RALA: variants seen among roughly 807,000 people sequenced by gnomAD.
RALA encodes ras-related protein Ral-A.
RALA carries 5 observed loss-of-function variants against 24.0 expected under a neutral mutation model. The ratio of observed to expected loss-of-function variants is 0.21; its 90% confidence interval spans 0.11 to 0.44. RALA has a LOEUF of 0.44. Among genes scored for constraint, RALA ranks in the 20% least tolerant of loss-of-function variants. The pLI, the probability that RALA is intolerant of heterozygous loss-of-function variation, is 0.99. For missense variants in RALA, 95 were observed against 241.2 expected (o/e 0.39, Z 4.01); for synonymous variants, 77 against 83.8 (o/e 0.92, Z 0.44).
At chr7:39,647,670 G>A (rs960294516) in intron 1 of RALA, among the ~76,000 whole-genome samples, 1 of 152,078 alleles carries the variant, frequency 6.6e-6, no homozygotes, top group East Asian at 1.9e-4. Flanking sequence ...TAGGTCATGA[G>A]GGAAGAGACC....
chr7:39,689,759 T>C (rs1007277937), intron 2 of RALA, among the ~76,000 whole-genome samples: 5 of 152,192 alleles, frequency 3.3e-5, no homozygotes, highest in African/African-American at 1.2e-4. Context: ...TGCGTACATA[T>C]ACACATACTT....
intron 1 of RALA, among the ~76,000 whole-genome samples, chr7:39,669,489 A>G (rs1792343426): frequency 6.6e-6 from 1 of 152,182 alleles, no homozygotes; most frequent in Non-Finnish European, 1.5e-5. Context: ...TGTAAACCAG[A>G]GGCTATGCTT....
At chr7:39,662,493 C>T (rs988872245) in intron 1 of RALA, among the ~76,000 whole-genome samples, 1 of 152,188 alleles carries the variant, frequency 6.6e-6, no homozygotes, top group Non-Finnish European at 1.5e-5. Flanking sequence ...ATTTCTTCCA[C>T]CAGATGCCCT....
At chr7:39,699,121 ATTTT>A (rs71560137) in intron 4 of RALA, among the ~76,000 whole-genome samples, 847 of 61,320 alleles carry the variant, frequency 0.014, 19 homozygotes, top group African/African-American at 0.042. Flanking sequence ...TAAAAATGTT[ATTTT>A]TTTTTTTTTT....
intron 1 of RALA, among the ~76,000 whole-genome samples, chr7:39,625,824 G>C (rs897383181): frequency 6.6e-6 from 1 of 152,222 alleles, no homozygotes; most frequent in African/African-American, 2.4e-5. Context: ...AGAAGAAAGT[G>C]CTGACGTTTT....
At chr7:39,665,370 T>C (rs1351094576) in intron 1 of RALA, among the ~76,000 whole-genome samples, 2 of 152,224 alleles carry the variant, frequency 1.3e-5, no homozygotes, top group East Asian at 3.9e-4. Flanking sequence ...ATACAGTATA[T>C]AATACATATA....
At chr7:39,694,740 G>A (rs1792887222) in intron 3 of RALA, among the ~76,000 whole-genome samples, 1 of 151,882 alleles carries the variant, frequency 6.6e-6, no homozygotes, top group Admixed American at 6.6e-5. Context: ...AGTTTTTCAA[G>A]CATCACTATA....
intron 4 of RALA, among the ~76,000 whole-genome samples, chr7:39,699,118 G>GTTTTTTTTT (rs1209729467): frequency 2.4e-5 from 2 of 84,140 alleles, no homozygotes; most frequent in African/African-American, 4.7e-5. Flanking sequence ...TGCTAAAAAT[G>GTTTTTTTTT]TTATTTTTTT....
chr7:39,635,005 A>G (rs1791662276), intron 1 of RALA, among the ~76,000 whole-genome samples: 1 of 152,096 alleles, frequency 6.6e-6, no homozygotes, highest in African/African-American at 2.4e-5. Context: ...CTTCTTTATA[A>G]TAACAGATTT....
chr7:39,643,927 C>T (rs1469703400), intron 1 of RALA, among the ~76,000 whole-genome samples: 1 of 152,088 alleles, frequency 6.6e-6, no homozygotes, highest in East Asian at 1.9e-4. Context: ...ATTCAGAGTT[C>T]CACATTACAG....
chr7:39,662,069 C>T (rs964353222), intron 1 of RALA, among the ~76,000 whole-genome samples: 21 of 152,184 alleles, frequency 1.4e-4, no homozygotes, highest in African/African-American at 4.8e-4. Context: ...ACCCTGGCCC[C>T]TTTTAGTCAT....
At chr7:39,698,613 A>G (rs1216805506) in intron 4 of RALA, among the ~76,000 whole-genome samples, 1 of 152,214 alleles carries the variant, frequency 6.6e-6, no homozygotes, top group African/African-American at 2.4e-5. Flanking sequence ...TTCTCATAGC[A>G]TATATATACT....
At chr7:39,702,430 T>G (rs555630292) in intron 4 of RALA, among the ~76,000 whole-genome samples, 17 of 152,246 alleles carry the variant, frequency 1.1e-4, no homozygotes, top group Non-Finnish European at 2.5e-4. Flanking sequence ...TGTGGTGCGC[T>G]TTTTAAATTT....
chr7:39,657,604 A>G (rs1303218527), intron 1 of RALA, among the ~76,000 whole-genome samples: 3 of 152,016 alleles, frequency 2.0e-5, no homozygotes, highest in Non-Finnish European at 4.4e-5. Flanking sequence ...CTCTATATTA[A>G]TTGAGGCCTG....
chr7:39,696,533 G>A (rs1792924514), intron 3 of RALA, 152 bp from the exon 4 acceptor site: 2 of 586,780 alleles, frequency 3.4e-6, no homozygotes, highest in Admixed American at 3.7e-5. Flanking sequence ...GACCTTAGTT[G>A]CTAATACTGT....
At chr7:39,671,060 T>C (rs1414330961) in intron 1 of RALA, among the ~76,000 whole-genome samples, 1 of 152,146 alleles carries the variant, frequency 6.6e-6, no homozygotes, top group Non-Finnish European at 1.5e-5. Flanking sequence ...ATCTAGTTCA[T>C]TTGACTCTTT....
intron 4 of RALA, 145 bp downstream of exon 4, chr7:39,697,004 C>T (rs1792933329): frequency 1.3e-6 from 1 of 784,236 alleles, no homozygotes; most frequent in Non-Finnish European, 2.0e-6. Flanking sequence ...TACTCAGATA[C>T]ATGTTAGGAA....
intron 1 of RALA, among the ~76,000 whole-genome samples, chr7:39,644,107 C>T (rs1791885331): frequency 6.6e-6 from 1 of 152,040 alleles, no homozygotes; most frequent in African/African-American, 2.4e-5. Context: ...CTGAATATAA[C>T]TCAGAAATCA....
chr7:39,691,093 A>C (rs942909674), intron 3 of RALA, among the ~76,000 whole-genome samples: 1 of 152,170 alleles, frequency 6.6e-6, no homozygotes, highest in African/African-American at 2.4e-5. Flanking sequence ...AGAATGAATG[A>C]ATTTTTAATA....
Sources: gnomAD v4.1 joint callset for allele counts (sites outside exome capture counted in the v4.1 genomes callset) on GRCh38, gnomAD v4.1.1 for gene constraint, MANE v1.5 for transcripts, NCBI Gene and HGNC (gene_info 2026-07-23, HGNC 2026-07-21) for gene names.